CDH5: variants seen among roughly 807,000 people sequenced by gnomAD.
CDH5 encodes cadherin 5, also known as cadherin-5.
Under a neutral mutation model 62.0 loss-of-function variants are expected in CDH5, and 28 were observed. That is an observed-to-expected ratio of 0.45 (90% CI 0.33 to 0.62). The LOEUF is 0.62. CDH5 is among the 20% of genes least tolerant of loss of function. CDH5 has a pLI of 0.02. For synonymous variants in CDH5, 464 were observed against 445.8 expected (o/e 1.04, Z -0.52); for missense variants, 940 against 1,065.1 (o/e 0.88, Z 1.63).
intron 2 of CDH5, 105 bp from the exon 3 acceptor site, chr16:66,386,704 C>A: frequency 1.0e-6 from 1 of 999,006 alleles, no homozygotes; most frequent in Non-Finnish European, 1.5e-6. Flanking sequence ...ACACACACCA[C>A]ATACACACAT....
chr16:66,392,546 C>A, intron 7 of CDH5, 163 bp downstream of exon 7: 1 of 946,654 alleles, frequency 1.1e-6, no homozygotes, highest in Non-Finnish European at 1.6e-6. Flanking sequence ...TTGCACTTGG[C>A]AGCCTGGCAT....
intron 2 of CDH5, among the ~76,000 whole-genome samples, chr16:66,383,939 C>CT (rs1393909534): frequency 6.6e-6 from 1 of 152,134 alleles, no homozygotes; most frequent in Non-Finnish European, 1.5e-5. Flanking sequence ...AGTGCCCTCA[C>CT]TGAGGGCTCC....
intron 7 of CDH5, among the ~76,000 whole-genome samples, chr16:66,393,213 T>A (rs1042511118): frequency 6.6e-5 from 10 of 152,220 alleles, no homozygotes; most frequent in Non-Finnish European, 1.5e-4. Context: ...CCCACCTTCA[T>A]TATATACTAA....
intron 1 of CDH5, among the ~76,000 whole-genome samples, chr16:66,378,067 C>A (rs973384112): frequency 2.6e-5 from 4 of 152,192 alleles, no homozygotes; most frequent in African/African-American, 9.7e-5. Flanking sequence ...ACTCACCACC[C>A]CACCCACCCC....
intron 1 of CDH5, chr16:66,376,256 G>A (rs189517052): frequency 6.6e-5 from 10 of 152,292 alleles, no homozygotes; most frequent in Admixed American, 6.5e-4. Context: ...TGGCTGCAAT[G>A]TTACTAGGGC....
At chr16:66,389,081 A>G (rs146997523) in intron 4 of CDH5, among the ~76,000 whole-genome samples, 93 of 152,300 alleles carry the variant, frequency 6.1e-4, no homozygotes, top group African/African-American at 2.1e-3. Context: ...AATCTATCAC[A>G]GCACTCTTTC....
At chr16:66,383,670 G>A (rs568340281) in intron 2 of CDH5, among the ~76,000 whole-genome samples, 2 of 152,214 alleles carry the variant, frequency 1.3e-5, no homozygotes, top group African/African-American at 4.8e-5. Flanking sequence ...CAGGTCACAG[G>A]TTACAGAGCT....
chr16:66,395,498 CTTTTCTTTTTTT>C (rs1961164128), intron 7 of CDH5: 2 of 41,504 alleles, frequency 4.8e-5, no homozygotes, highest in Non-Finnish European at 9.7e-5. Context: ...GGAAACTTTT[CTTTTCTTTTTTT>C]TTTTTTTTTT....
rs35435487 is a variant in CDH5, at chr16:66,384,078, C to CTTTTT, written c.211-2711_211-2707dup. ...CTTGAGTTCTCTGGAGGAGTCCAGC[C>CTTTTT]TTTTTTTTTTTTTTTTTTTTTTTTG... On this transcript the variant is annotated intron_variant, in intron 2 of 11. Transcript: ENST00000341529. Among the ~76,000 whole-genome samples, 77 of 71,362 alleles carry CTTTTT rather than the reference C, an allele frequency of 1.1e-3. 3 individuals are homozygous for CTTTTT. The highest frequency in any genetic ancestry group is 1.4e-3 in the African/African-American group (23 of 16,850). The allele number at this position is 71,362 out of a possible 152,430, so 46.8% of individuals were successfully genotyped here.
At chr16:66,402,058 T>C (rs1043767548) in intron 11 of CDH5, among the ~76,000 whole-genome samples, 1 of 152,084 alleles carries the variant, frequency 6.6e-6, no homozygotes, top group African/African-American at 2.4e-5. Flanking sequence ...CAAATAGAAT[T>C]GCATTTGACC....
rs368651802 is a variant in CDH5 at position 66,398,149 on chromosome 16, G to A, written c.1485+43G>A. ...GGGAGGGGAAGGCAGCACCACCCTG[G>A]GGCAGGCTGGGGGGCAGAACTGCTC... On this transcript the variant is annotated intron_variant, in intron 9 of 11. Coordinates refer to ENST00000341529, the MANE Select transcript of CDH5 (RefSeq NM_001795.5). 8 of 1,611,986 alleles carry A rather than the reference G, an allele frequency of 5.0e-6. No homozygotes were observed. The African/African-American group carries it at 5.3e-5, about 11-fold the overall frequency.
At chr16:66,384,427 C>G (rs1041624553) in intron 2 of CDH5, among the ~76,000 whole-genome samples, 3 of 151,642 alleles carry the variant, frequency 2.0e-5, no homozygotes, top group Non-Finnish European at 2.9e-5. Flanking sequence ...TCACCAGATG[C>G]CTTCACACAA....
Position 66,389,362 on chromosome 16 carries a change from T to C in CDH5, c.621T>C (p.Arg207=). The change falls in exon 5 of 12, where the codon CGT becomes CGC. Residue 207 remains arginine, a synonymous_variant. Coordinates refer to ENST00000341529, the MANE Select transcript of CDH5 (RefSeq NM_001795.5). ...CTGCTGGGAATCTTTTTGCAGGACG[T>C]ATTATCACAATAACGAAAAGCTTGG... is the stretch of plus-strand genomic sequence containing the variant. ...KEYFAIDNSG[R]IITITKSLDR... 1 of 1,610,352 alleles carries C rather than the reference T, an allele frequency of 6.2e-7. No homozygotes were observed. Among genetic ancestry groups the C allele is most frequent in the Non-Finnish European group, 8.5e-7 (1 of 1,177,690 alleles).
chr16:66,392,425 G>T (rs953888898), intron 7 of CDH5, 42 bp downstream of exon 7: 1 of 1,608,680 alleles, frequency 6.2e-7, no homozygotes, highest in South Asian at 1.1e-5. Flanking sequence ...GGACAATCCG[G>T]CCTGGATGTT....
At chr16:66,400,208 C>T (rs573504778) in intron 10 of CDH5, among the ~76,000 whole-genome samples, 1 of 152,298 alleles carries the variant, frequency 6.6e-6, no homozygotes, top group South Asian at 2.1e-4. Flanking sequence ...TGGACAAAAG[C>T]ATTTCCCAGT....
Position 66,388,370 on chromosome 16 carries a change from T to C in CDH5, c.546T>C (p.Thr182=). Residue 182 remains threonine, a synonymous_variant, in exon 4 of 12, where the codon ACT becomes ACC. Transcript: ENST00000341529. Reference sequence around the variant, plus strand: ...CAGCAGTGGATGCAGACGACCCCACTGTGGGAGACCACGCCTCTGTCATGT... The same window carrying C: ...CAGCAGTGGATGCAGACGACCCCACCGTGGGAGACCACGCCTCTGTCATGT... ...SVTAVDADDP[T]VGDHASVMYQ... 1 of 1,614,092 alleles carries C rather than the reference T, an allele frequency of 6.2e-7. No individual in the cohort carries two copies. The highest frequency in any genetic ancestry group is 1.3e-5 in the African/African-American group (1 of 75,068).
chr16:66,403,406 T>C lies in CDH5; in HGVS notation c.*237T>C. ...CTGGCAAATCCAGGCTGGTGTTCTG[T>C]CTGGGCTCAGACATCCACATAACCC... On this transcript the variant is annotated 3_prime_UTR_variant, in exon 12 of 12. Coordinates refer to ENST00000341529, the MANE Select transcript of CDH5 (RefSeq NM_001795.5). This position sits in a 1 kb window ranked among gnomAD's most constrained non-coding sequence, Gnocchi z 4.3. 1.8e-6 allele frequency: 1 copy of C among 556,402 alleles called. No homozygotes were observed. Among genetic ancestry groups the C allele is most frequent in the Non-Finnish European group, 3.2e-6 (1 of 310,328 alleles). The allele number at this position is 556,402 out of a possible 1,614,324, so 34.5% of individuals were successfully genotyped here.
intron 11 of CDH5, 34 bp downstream of exon 11, chr16:66,401,050 T>G: frequency 6.2e-7 from 1 of 1,612,802 alleles, no homozygotes; most frequent in Non-Finnish European, 8.5e-7. Context: ...GAAGACACAG[T>G]GGGTGGAAGG....
Position 66,392,205 on chromosome 16 carries a change from C to T in CDH5, c.1039C>T (p.Arg347Ter), listed in dbSNP as rs369618769. 1.2e-6 allele frequency: 2 copies of T among 1,614,072 alleles called. No individual in the cohort carries two copies. Among genetic ancestry groups the T allele is most frequent in the Non-Finnish European group, 1.7e-6 (2 of 1,180,010 alleles). The change falls in exon 7 of 12, where the codon CGA becomes TGA. Residue 347 changes from arginine to a stop codon, truncating the protein, a stop_gained. Coordinates refer to ENST00000341529, the MANE Select transcript of CDH5 (RefSeq NM_001795.5). LOFTEE classifies it high-confidence loss of function. ...VEATDPTIDL[R>*]YMSPPAGNRA... is the part of the protein sequence containing the mutation. ...GGCCACAGACCCCACCATCGACCTC[C>T]GATACATGAGCCCTCCCGCGGGAAA...
Sources: gnomAD v4.1 joint callset for allele counts (sites outside exome capture counted in the v4.1 genomes callset) on GRCh38, gnomAD v4.1.1 for gene constraint, Gnocchi (gnomAD v3.1) non-coding constraint, MANE v1.5 for transcripts, NCBI Gene and HGNC (gene_info 2026-07-23, HGNC 2026-07-21) for gene names.